Variants in SEPTIN9 observed in about 807,000 individuals in gnomAD.
SEPTIN9 encodes septin-9.
In SEPTIN9, 13 loss-of-function variants were observed where a neutral mutation model predicts 56.6. The ratio of observed to expected loss-of-function variants is 0.23; its 90% CI spans 0.15 to 0.37. The LOEUF (loss-of-function observed/expected upper bound fraction) is 0.37, where lower values mean the gene tolerates loss of function less well. Among genes scored for constraint, SEPTIN9 ranks in the 10% least tolerant of loss-of-function variants. SEPTIN9 has a pLI of 1.00. For synonymous variants in SEPTIN9, 332 were observed against 334.1 expected (o/e 0.99, Z 0.07); for missense variants, 650 against 823.1 (o/e 0.79, Z 2.57).
chr17:77,372,753 G>GCCTC (rs2034761097), intron 2 of SEPTIN9, among the ~76,000 whole-genome samples: 1 of 151,632 alleles, frequency 6.6e-6, no homozygotes, highest in African/African-American at 2.4e-5. Flanking sequence ...TTAGCTGCAG[G>GCCTC]GGTGCCCTCG....
chr17:77,323,976 C>A lies in SEPTIN9; in HGVS notation c.76+16779C>A, dbSNP rs374411564. Among the ~76,000 whole-genome samples the A allele has an allele frequency of 6.6e-6, 1 of 152,222 alleles. No homozygotes were observed. Among genetic ancestry groups the A allele is most frequent in the African/African-American group, 2.4e-5 (1 of 41,462 alleles). On this transcript the variant is annotated intron_variant, in intron 2 of 11. Transcript: ENST00000427177. The surrounding 1 kb of genome is among the most constrained non-coding windows in gnomAD (Gnocchi z 6.8). ...CTCGCCGTTCTGGAGGCCAGAAGTC[C>A]GAAATCACGGCATCAGCAGGCCTGG...
intron 3 of SEPTIN9, among the ~76,000 whole-genome samples, chr17:77,460,308 C>T (rs776797280): frequency 1.3e-5 from 2 of 152,148 alleles, no homozygotes; most frequent in Non-Finnish European, 2.9e-5. Flanking sequence ...AGTGGGAGTG[C>T]GGGAAGGCCC....
At chr17:77,347,373 C>T (rs551410325) in intron 2 of SEPTIN9, among the ~76,000 whole-genome samples, 7 of 147,410 alleles carry the variant, frequency 4.7e-5, no homozygotes, top group Admixed American at 1.3e-4. Context: ...AGTGAAACTC[C>T]GTCTCAAAAA....
rs2037404184 is a variant in SEPTIN9 at position 77,437,905 on chromosome 17, C to T, written c.721+35202C>T. On this transcript the variant is annotated intron_variant, in intron 3 of 11. Transcript: ENST00000427177. The surrounding 1 kb of genome is among the most constrained non-coding windows in gnomAD (Gnocchi z 5.3). Reference sequence around the variant, plus strand: ...TGACAGTGGGGGCCCCTTGCTTGCGCTGGTGACTGTGGCTGGTTGTTGGTG... The same window carrying T: ...TGACAGTGGGGGCCCCTTGCTTGCGTTGGTGACTGTGGCTGGTTGTTGGTG... Among the ~76,000 whole-genome samples, 1 of 152,258 alleles carries T rather than the reference C, an allele frequency of 6.6e-6. No homozygotes were observed. The highest frequency in any genetic ancestry group is 6.5e-5 in the Admixed American group (1 of 15,288).
At chr17:77,287,120 G>A (rs1043386156) in intron 1 of SEPTIN9, among the ~76,000 whole-genome samples, 1 of 152,228 alleles carries the variant, frequency 6.6e-6, no homozygotes, top group Admixed American at 6.5e-5. Context: ...TAGCCAGGCA[G>A]GCCTGACGGC....
rs200031107 is a variant in SEPTIN9, at chr17:77,402,692, G to A, written c.710G>A (p.Arg237Gln). 1.2e-3 allele frequency: 1,980 copies of A among 1,587,086 alleles called. 2 individuals are homozygous for A. The highest frequency in any genetic ancestry group is 5.9e-3 in the Middle Eastern group (32 of 5,426). The change falls in exon 3 of 12, where the codon CGG (arginine) becomes CAG (glutamine). Residue 237 changes from arginine (R) to glutamine (Q), a missense_variant. Around this residue, in one of 2 missense-constraint regions of SEPTIN9, gnomAD observed 317 missense variants for 329.1 expected, o/e 0.96. Transcript: ENST00000427177. This position sits in a 1 kb window ranked among gnomAD's most constrained non-coding sequence, Gnocchi z 6.6. ...CCCCCTGTGGCTGAGGCTACACCCC[G>A]GAGCCAGGAGGGTGAGTCGCAGAGC... is the stretch of plus-strand genomic sequence containing the variant. ...PQPPVAEATP[R>Q]SQEATEAAPS...
Position 77,327,345 on chromosome 17 carries a change from C to T in SEPTIN9, c.76+20148C>T, listed in dbSNP as rs913477018. Reference sequence around the variant, plus strand: ...GCTCTGGGCACCCCCCCACTCCGAACGGCCAGAGCTTCTGAAGCCGCTCGC... The same window carrying T: ...GCTCTGGGCACCCCCCCACTCCGAATGGCCAGAGCTTCTGAAGCCGCTCGC... On this transcript the variant is annotated intron_variant, in intron 2 of 11. Coordinates refer to ENST00000427177, the MANE Select transcript of SEPTIN9 (RefSeq NM_001113491.2). The surrounding 1 kb of genome is among the most constrained non-coding windows in gnomAD (Gnocchi z 5.0). Among the ~76,000 whole-genome samples, 1 of 152,192 alleles carries T rather than the reference C, an allele frequency of 6.6e-6. No homozygotes were observed. The highest frequency in any genetic ancestry group is 1.9e-4 in the East Asian group (1 of 5,180).
chr17:77,460,519 C>T (rs1333512385), intron 3 of SEPTIN9, among the ~76,000 whole-genome samples: 3 of 152,200 alleles, frequency 2.0e-5, no homozygotes, highest in South Asian at 2.1e-4. Context: ...TTTTCTCATC[C>T]CCCAAGGCTC....
At chr17:77,422,333 ACCCAG>A (rs2036734688) in intron 3 of SEPTIN9, among the ~76,000 whole-genome samples, 16 of 152,204 alleles carry the variant, frequency 1.1e-4, no homozygotes, top group African/African-American at 2.4e-5. Context: ...ATGCTTGCTC[ACCCAG>A]CCTCGGGGCC....
Position 77,326,395 on chromosome 17 carries a change from G to A in SEPTIN9, c.76+19198G>A, listed in dbSNP as rs999126111. Among the ~76,000 whole-genome samples, 2 of 152,190 alleles carry A rather than the reference G, an allele frequency of 1.3e-5. No individual in the cohort carries two copies. Among genetic ancestry groups the A allele is most frequent in the Non-Finnish European group, 1.5e-5 (1 of 68,038 alleles). Reference sequence around the variant, plus strand: ...GGACCAGTGGCAGGACAGAACCTGCGGTTCGTAGGACCAGGTCAGGAGGGC... The same window carrying A: ...GGACCAGTGGCAGGACAGAACCTGCAGTTCGTAGGACCAGGTCAGGAGGGC... On this transcript the variant is annotated intron_variant, in intron 2 of 11. Transcript: ENST00000427177. This position sits in a 1 kb window ranked among gnomAD's most constrained non-coding sequence, Gnocchi z 5.1.
At chr17:77,343,003 G>GTCTGTCTGTCTGTCTGTCTA (rs71160228) in intron 2 of SEPTIN9, among the ~76,000 whole-genome samples, 16 of 147,254 alleles carry the variant, frequency 1.1e-4, no homozygotes, top group African/African-American at 3.8e-4. Flanking sequence ...CTGTCTGTCT[G>GTCTGTCTGTCTGTCTGTCTA]TCTATCTATC....
intron 3 of SEPTIN9, among the ~76,000 whole-genome samples, chr17:77,479,444 C>T (rs767442076): frequency 1.5e-4 from 23 of 152,202 alleles, no homozygotes; most frequent in Non-Finnish European, 2.4e-4. Flanking sequence ...TGCCTGCCTG[C>T]GGGCCAGCCG....
rs374343880 is a variant in SEPTIN9 at position 77,465,934 on chromosome 17, T to C, written c.722-16210T>C. ...GAGAGGATTCTTCCCTGGGGCCAAC[T>C]TCAAACCAAGGGAGACAAGACCTTC... On this transcript the variant is annotated intron_variant, in intron 3 of 11. Transcript: ENST00000427177. 4.7e-4 allele frequency among the ~76,000 whole-genome samples: 72 copies of C among 152,054 alleles called. 1 individual carries two copies. The South Asian group carries it at 7.3e-3, about 15-fold the overall frequency.
chr17:77,343,007 A>G (rs9891122), intron 2 of SEPTIN9, among the ~76,000 whole-genome samples: 1,532 of 59,916 alleles, frequency 0.026, 11 homozygotes, highest in Non-Finnish European at 0.031. Context: ...CTGTCTGTCT[A>G]TCTATCTATC....
rs1290619856 is a variant in SEPTIN9 at position 77,475,561 on chromosome 17, CTGCCGCAGGGG to C, written c.722-6579_722-6569del. The C allele has an allele frequency of 2.0e-5, 33 of 1,613,260 alleles. No individual in the cohort carries two copies. The highest frequency in any genetic ancestry group is 2.8e-5 in the Non-Finnish European group (33 of 1,179,814). ...GGAAGGCCTGCAGGTGGCCGTAGGG[CTGCCGCAGGGG>C]TGCTGGCCCCAGGGTCTGGATTCAG... On this transcript the variant is annotated intron_variant, in intron 3 of 11. Transcript: ENST00000427177. The surrounding 1 kb of genome is among the most constrained non-coding windows in gnomAD (Gnocchi z 4.6).
At position 77,490,859 on chromosome 17, in the gene SEPTIN9, G is replaced by C; in HGVS notation, c.1380G>C (p.Arg460=). 1 of 1,569,170 alleles carries C rather than the reference G, an allele frequency of 6.4e-7. No homozygotes were observed. Among genetic ancestry groups the C allele is most frequent in the Non-Finnish European group, 8.6e-7 (1 of 1,156,258 alleles). ...TLEERVHFKQ[R]ITADLLSNGI... is the part of the protein sequence containing the mutation. ...AGGAGAGGGTCCACTTCAAACAGCG[G>C]GTAGGGTTCCATCTCTACTTGCCCC... is the stretch of plus-strand genomic sequence containing the variant. Residue 460 remains arginine, a splice_region_variant and synonymous_variant, in exon 8 of 12, where the codon CGG becomes CGC. Transcript: ENST00000427177.
chr17:77,337,246 C>T (rs755495522), intron 2 of SEPTIN9, among the ~76,000 whole-genome samples: 3 of 152,048 alleles, frequency 2.0e-5, no homozygotes, highest in Non-Finnish European at 4.4e-5. Context: ...TGAGCTTAAG[C>T]AATACTCCCA....
At position 77,373,772 on chromosome 17, in the gene SEPTIN9, C is replaced by G. The variant is rs1020863881; in HGVS notation, c.77-28287C>G. ...CCTGTTAGGGGCACCCGCGTAGACC[C>G]TGCGCGCCCTCACAGGACCCTGTGC... is the stretch of plus-strand genomic sequence containing the variant. On this transcript the variant is annotated intron_variant, in intron 2 of 11. Coordinates refer to ENST00000427177, the MANE Select transcript of SEPTIN9 (RefSeq NM_001113491.2). The G allele has an allele frequency of 9.7e-6, 8 of 820,844 alleles. No homozygotes were observed. In the Admixed American group the frequency reaches 2.0e-4, roughly 20 times the overall value. The allele number at this position is 820,844 out of a possible 1,614,324, so 50.8% of individuals were successfully genotyped here.
Position 77,449,291 on chromosome 17 carries a change from G to A in SEPTIN9, c.722-32853G>A, listed in dbSNP as rs529048728. Reference sequence around the variant, plus strand: ...TGTGTGGGGGATGCAGCCCCAGGCCGGAGATGCCTTCTCTGTGCTCTGGAG... The same window carrying A: ...TGTGTGGGGGATGCAGCCCCAGGCCAGAGATGCCTTCTCTGTGCTCTGGAG... On this transcript the variant is annotated intron_variant, in intron 3 of 11. Transcript: ENST00000427177. The surrounding 1 kb of genome is among the most constrained non-coding windows in gnomAD (Gnocchi z 4.6). Among the ~76,000 whole-genome samples, 11 of 152,220 alleles carry A rather than the reference G, an allele frequency of 7.2e-5. No individual in the cohort carries two copies. The highest frequency in any genetic ancestry group is 6.5e-4 in the Admixed American group (10 of 15,280).
Sources: gnomAD v4.1 joint callset for allele counts (sites outside exome capture counted in the v4.1 genomes callset) on GRCh38, gnomAD v4.1.1 for gene constraint, gnomAD v4.1.1 regional missense constraint, Gnocchi (gnomAD v3.1) non-coding constraint, MANE v1.5 for transcripts, NCBI Gene and HGNC (gene_info 2026-07-23, HGNC 2026-07-21) for gene names.